Variants in LPCAT2 observed in about 807,000 individuals in gnomAD.
LPCAT2 encodes the protein 1-AGP acyltransferase 11.
LPCAT2 carries 58 observed loss-of-function variants against 64.7 expected under a neutral mutation model. The observed-to-expected ratio is 0.90, with a 90% CI of 0.73 to 1.12. The LOEUF (loss-of-function observed/expected upper bound fraction) is 1.12, where lower values mean the gene tolerates loss of function less well. LPCAT2 is among the 50% of genes most tolerant of loss of function. LPCAT2 has a pLI of 0.00. For missense variants in LPCAT2, 579 were observed against 669.8 expected (o/e 0.86, Z 1.50); for synonymous variants, 252 against 245.3 (o/e 1.03, Z -0.26).
chr16:55,560,304 T>C (rs567534988), intron 11 of LPCAT2, among the ~76,000 whole-genome samples: 1 of 152,176 alleles, frequency 6.6e-6, no homozygotes, highest in East Asian at 1.9e-4. Flanking sequence ...CTGGTCCAGA[T>C]CATATTGCAG....
intron 1 of LPCAT2, among the ~76,000 whole-genome samples, chr16:55,512,903 A>C (rs1188976891): frequency 6.6e-6 from 1 of 152,346 alleles, no homozygotes; most frequent in South Asian, 2.1e-4. Context: ...CTAGCTTCAA[A>C]CAAATTTTCC....
At chr16:55,571,254 A>G (rs1294311025) in intron 11 of LPCAT2, among the ~76,000 whole-genome samples, 1 of 152,210 alleles carries the variant, frequency 6.6e-6, no homozygotes, top group East Asian at 1.9e-4. Context: ...ATCACCACTT[A>G]TTTTTTCAAG....
intron 1 of LPCAT2, among the ~76,000 whole-genome samples, chr16:55,516,302 C>A (rs1057019396): frequency 4.6e-5 from 7 of 152,072 alleles, no homozygotes. Flanking sequence ...ATGGGATCTC[C>A]CTATATTGCC....
At chr16:55,517,790 A>G (rs1173843954) in intron 1 of LPCAT2, among the ~76,000 whole-genome samples, 1 of 152,176 alleles carries the variant, frequency 6.6e-6, no homozygotes, top group Non-Finnish European at 1.5e-5. Context: ...CACTCAATAA[A>G]CTAAGAATGG....
At position 55,584,434 on chromosome 16, in the gene LPCAT2, T is replaced by C. The variant is rs1319375720; in HGVS notation, c.*1336T>C. On this transcript the variant is annotated 3_prime_UTR_variant, in exon 14 of 14. Coordinates refer to ENST00000262134, the MANE Select transcript of LPCAT2 (RefSeq NM_017839.5). The stretch of plus-strand genomic sequence containing the variant: ...AGGAATCCAACAGTAACATTTTTCC[T>C]TTAGGTTAAGCAGTAATTTTTTTGA... 6.6e-6 allele frequency: 1 copy of C among 152,192 alleles called. No homozygotes were observed. The highest frequency in any genetic ancestry group is 6.5e-5 in the Admixed American group (1 of 15,270). 9.4% of individuals were successfully genotyped at this position (152,192 alleles called of 1,614,324 possible).
intron 11 of LPCAT2, among the ~76,000 whole-genome samples, chr16:55,569,243 A>G (rs1187018618): frequency 6.6e-6 from 1 of 152,176 alleles, no homozygotes; most frequent in Non-Finnish European, 1.5e-5. Context: ...CCACACACAT[A>G]TAATTCTGAA....
Position 55,560,182 on chromosome 16 carries a change from A to G in LPCAT2, c.1215+9080A>G, listed in dbSNP as rs1438896793. On this transcript the variant is annotated intron_variant, in intron 11 of 13. Coordinates refer to ENST00000262134, the MANE Select transcript of LPCAT2 (RefSeq NM_017839.5). Reference sequence around the variant, plus strand: ...GACCAATTTAAATTCCCTCTATGACAGAGTGACAGTCCAAGATGATAAGGA... The same window carrying G: ...GACCAATTTAAATTCCCTCTATGACGGAGTGACAGTCCAAGATGATAAGGA... Among the ~76,000 whole-genome samples the G allele has an allele frequency of 5.9e-5, 9 of 152,302 alleles. No homozygotes were observed. In the East Asian group the frequency reaches 1.3e-3, roughly 23 times the overall value.
chr16:55,525,646 A>C lies in LPCAT2; in HGVS notation c.310A>C (p.Arg104=), dbSNP rs1166526715. 1 of 1,595,588 alleles carries C rather than the reference A, an allele frequency of 6.3e-7. No individual in the cohort carries two copies. The highest frequency in any genetic ancestry group is 8.5e-7 in the Non-Finnish European group (1 of 1,172,768). ...KLTHPITGWR[R]KITQTALKFL... is the part of the protein sequence containing the mutation. ...GACCCACCCAATAACTGGTTGGAGGAGGTAAGAAATAATTTTGTCCAAAAT... is the reference window on the plus strand; with the variant it reads ...GACCCACCCAATAACTGGTTGGAGGCGGTAAGAAATAATTTTGTCCAAAAT... The change falls in exon 2 of 14, where the codon AGG becomes CGG. Residue 104 remains arginine (R), a splice_region_variant and synonymous_variant. Transcript: ENST00000262134.
At chr16:55,515,790 AATT>A (rs1963002333) in intron 1 of LPCAT2, among the ~76,000 whole-genome samples, 1 of 152,178 alleles carries the variant, frequency 6.6e-6, no homozygotes, top group Admixed American at 6.5e-5. Context: ...CGAACCAGAA[AATT>A]ATTATAAGTT....
intron 2 of LPCAT2, among the ~76,000 whole-genome samples, chr16:55,526,436 A>G (rs1429192148): frequency 6.6e-6 from 1 of 152,182 alleles, no homozygotes; most frequent in African/African-American, 2.4e-5. Context: ...AAATTTTTAT[A>G]TATAAGGATA....
intron 8 of LPCAT2, 171 bp from the exon 9 acceptor site, chr16:55,545,564 G>A (rs1027135996): frequency 2.6e-5 from 13 of 499,306 alleles, no homozygotes; most frequent in Non-Finnish European, 4.3e-5. Flanking sequence ...AGCAGACCCA[G>A]GGCTTAGAAA....
chr16:55,536,288 G>A (rs1251355665), intron 7 of LPCAT2, among the ~76,000 whole-genome samples: 1 of 152,178 alleles, frequency 6.6e-6, no homozygotes, highest in East Asian at 1.9e-4. Context: ...ATCAGACTAA[G>A]AAGTATTTGG....
At chr16:55,578,331 A>G (rs1290788601) in intron 12 of LPCAT2, among the ~76,000 whole-genome samples, 1 of 152,114 alleles carries the variant, frequency 6.6e-6, no homozygotes, top group Non-Finnish European at 1.5e-5. Context: ...TTCAAATTTA[A>G]CCTATCTAGG....
intron 11 of LPCAT2, chr16:55,567,399 C>A: frequency 6.2e-7 from 1 of 1,613,746 alleles, no homozygotes. Context: ...CTGCTTGGTC[C>A]GCCTGGATGC....
rs149829761 is a variant in LPCAT2, at chr16:55,568,224, C to T, written c.1216-6407C>T. 9.2e-3 allele frequency among the ~76,000 whole-genome samples: 1,396 copies of T among 152,238 alleles called. 31 individuals are homozygous for T. Among genetic ancestry groups the T allele is most frequent in the African/African-American group, 0.032 (1,315 of 41,538 alleles). ...AGACATTGAGGAATAAAACAATATG[C>T]TCATAGTTCAAAAATGTCTCTAGCT... On this transcript the variant is annotated intron_variant, in intron 11 of 13. Transcript: ENST00000262134.
At chr16:55,526,117 A>G (rs1963167300) in intron 2 of LPCAT2, 1 of 151,198 alleles carries the variant, frequency 6.6e-6, no homozygotes, top group African/African-American at 2.4e-5. Context: ...TTACTTTAGT[A>G]GTAATTTCTA....
At chr16:55,519,600 A>G (rs1276109614) in intron 1 of LPCAT2, among the ~76,000 whole-genome samples, 1 of 152,118 alleles carries the variant, frequency 6.6e-6, no homozygotes, top group East Asian at 1.9e-4. Flanking sequence ...ATATACAGGA[A>G]GGAATGAAGA....
Position 55,531,069 on chromosome 16 carries a change from G to A in LPCAT2, c.643-845G>A, listed in dbSNP as rs144831884. On this transcript the variant is annotated intron_variant, in intron 4 of 13. Coordinates refer to ENST00000262134, the MANE Select transcript of LPCAT2 (RefSeq NM_017839.5). The stretch of plus-strand genomic sequence containing the variant: ...TAAAATATATTTGATATTGTATCCC[G>A]TTGTCATAGGAAACCCACTTTTAAA... 3.6e-3 allele frequency among the ~76,000 whole-genome samples: 549 copies of A among 152,080 alleles called. 4 individuals are homozygous for A. The highest frequency in any genetic ancestry group is 9.5e-3 in the South Asian group (46 of 4,820).
At chr16:55,528,312 A>G (rs1401180534) in intron 2 of LPCAT2, 65 bp from the exon 3 acceptor site, 23 of 1,267,210 alleles carry the variant, frequency 1.8e-5, no homozygotes, top group Non-Finnish European at 2.5e-5. Context: ...ATTGTATTAT[A>G]GAGTAAAACC....
Sources: allele counts gnomAD v4.1 joint callset (sites outside exome capture counted in the v4.1 genomes callset), GRCh38; gene constraint gnomAD v4.1.1; transcripts MANE v1.5; gene names NCBI Gene and HGNC (gene_info 2026-07-23, HGNC 2026-07-21).